HIVEP1: variants seen among roughly 807,000 people sequenced by gnomAD.
HIVEP1 encodes the protein HIVEP zinc finger 1.
Under a neutral mutation model 180.0 loss-of-function variants are expected in HIVEP1, and 36 were observed. The ratio of observed to expected loss-of-function variants is 0.20; its 90% CI spans 0.15 to 0.26. The LOEUF (loss-of-function observed/expected upper bound fraction) is 0.26. HIVEP1 is among the 10% of genes least tolerant of loss of function. The pLI, the probability that HIVEP1 is intolerant of heterozygous loss-of-function variation, is 1.00. For synonymous variants in HIVEP1, 1,239 were observed against 1,239.0 expected, an observed-to-expected ratio of 1.00 and a Z score of 0.00; for missense variants, 3,143 against 3,268.7, an observed-to-expected ratio of 0.96 and a Z score of 0.94.
chr6:12,163,866 G>A lies in HIVEP1; in HGVS notation c.7562G>A (p.Gly2521Glu), dbSNP rs748928898. 14 of 1,614,028 alleles carry A rather than the reference G, an allele frequency of 8.7e-6. No individual in the cohort carries two copies. In the African/African-American group the frequency reaches 1.9e-4, roughly 22 times the overall value. ...HPPGLALNAVGLQVLTANPSS... is the reference protein window; with the variant it reads ...HPPGLALNAVELQVLTANPSS... The stretch of plus-strand genomic sequence containing the variant: ...CCAGGACTGGCTCTGAATGCTGTCG[G>A]ACTGCAGGTTCTGACTGCAAACCCT... Residue 2521 changes from glycine (G) to glutamate (E), a missense_variant, in exon 9 of 9, where the codon GGA becomes GAA. By Grantham distance (98) the Gly-to-Glu change is moderately conservative. Transcript: ENST00000379388.
At chr6:12,022,058 C>T (rs1768259739) in intron 2 of HIVEP1, among the ~76,000 whole-genome samples, 1 of 152,224 alleles carries the variant, frequency 6.6e-6, no homozygotes, top group Non-Finnish European at 1.5e-5. Flanking sequence ...GGAAATGCTT[C>T]TTCCAATATT....
At chr6:12,101,403 CAT>C (rs1393041839) in intron 3 of HIVEP1, among the ~76,000 whole-genome samples, 1 of 147,372 alleles carries the variant, frequency 6.8e-6, no homozygotes, top group Non-Finnish European at 1.5e-5. Flanking sequence ...ATGTATATAA[CAT>C]GTATAAATAC....
chr6:12,163,909 C>T lies in HIVEP1; in HGVS notation c.7605C>T (p.Pro2535=), dbSNP rs1047584796. Reference sequence around the variant, plus strand: ...CAAACCCTTCATCACAAAGCAGCCCCGCCCCTCAGGCACACATTCCAGGTC... The same window carrying T: ...CAAACCCTTCATCACAAAGCAGCCCTGCCCCTCAGGCACACATTCCAGGTC... ...LTANPSSQSS[P]APQAHIPGLQ... is the part of the protein sequence containing the mutation. Residue 2535 remains proline (P), a synonymous_variant, in exon 9 of 9, where the codon CCC becomes CCT. Transcript: ENST00000379388. 4 of 1,614,156 alleles carry T rather than the reference C, an allele frequency of 2.5e-6. No individual in the cohort carries two copies. The highest frequency in any genetic ancestry group is 1.1e-5 in the South Asian group (1 of 91,084).
the HIVEP1 span, among the ~76,000 whole-genome samples, chr6:12,176,557 G>A: frequency 2.6e-5 from 4 of 152,054 alleles, no homozygotes; most frequent in Non-Finnish European, 4.4e-5. Flanking sequence ...TTTAGGAGCC[G>A]TTGGACTTCA....
At chr6:12,176,599 C>T in the HIVEP1 span, among the ~76,000 whole-genome samples, 2 of 152,152 alleles carry the variant, frequency 1.3e-5, no homozygotes, top group Non-Finnish European at 2.9e-5. Context: ...CTAACTCCTC[C>T]AGTTTCCCCA....
chr6:12,136,033 T>C (rs1003006658), intron 7 of HIVEP1, 141 bp downstream of exon 7: 5 of 514,734 alleles, frequency 9.7e-6, no homozygotes, highest in Middle Eastern at 5.3e-4. Context: ...TCCTAATTAG[T>C]TTTTCCATGT....
At chr6:12,066,727 A>G (rs1465487742) in intron 2 of HIVEP1, among the ~76,000 whole-genome samples, 1 of 152,160 alleles carries the variant, frequency 6.6e-6, no homozygotes, top group East Asian at 1.9e-4. Context: ...ATTTGTTCGG[A>G]ACCACTTTAA....
intron 2 of HIVEP1, among the ~76,000 whole-genome samples, chr6:12,050,144 C>T (rs181727891): frequency 8.5e-4 from 130 of 152,256 alleles, no homozygotes; most frequent in African/African-American, 3.0e-3. Flanking sequence ...ACTCCGCCAG[C>T]CCAGTGGAAA....
rs779968806 is a variant in HIVEP1 at position 12,164,233 on chromosome 6, C to T, written c.7929C>T (p.His2643=). The change falls in exon 9 of 9, where the codon CAC becomes CAT. Residue 2643 remains histidine, a synonymous_variant. Transcript: ENST00000379388. ...MDTEKAASAN[H]VKPKPELTSI... is the part of the protein sequence containing the mutation. The stretch of plus-strand genomic sequence containing the variant: ...CAGAGAAGGCTGCCTCGGCAAATCA[C>T]GTGAAGCCCAAGCCTGAACTCACTT... 15 of 1,614,006 alleles carry T rather than the reference C, an allele frequency of 9.3e-6. No homozygotes were observed. The highest frequency in any genetic ancestry group is 1.3e-5 in the African/African-American group (1 of 74,926).
intron 7 of HIVEP1, among the ~76,000 whole-genome samples, chr6:12,137,168 A>G (rs1454409913): frequency 6.6e-6 from 1 of 152,242 alleles, no homozygotes; most frequent in Non-Finnish European, 1.5e-5. Flanking sequence ...GGAAAAGTGG[A>G]AAAGTGTGTA....
the HIVEP1 span, among the ~76,000 whole-genome samples, chr6:12,185,154 G>A: frequency 2.0e-5 from 3 of 152,206 alleles, no homozygotes; most frequent in Admixed American, 1.3e-4. Context: ...AAGGGCTGTT[G>A]TCCATTCAAG....
downstream of HIVEP1, among the ~76,000 whole-genome samples, chr6:12,168,092 C>CATATGTGTAT (rs781151396): frequency 1.8e-4 from 3 of 16,828 alleles, 1 homozygote; most frequent in Non-Finnish European, 3.2e-4. Flanking sequence ...TACATATATA[C>CATATGTGTAT]ACATACACGT....
At chr6:12,133,893 G>T (rs1219255268) in intron 6 of HIVEP1, among the ~76,000 whole-genome samples, 3 of 151,842 alleles carry the variant, frequency 2.0e-5, no homozygotes, top group African/African-American at 7.3e-5. Flanking sequence ...CAAAAGAATG[G>T]CTTGAACCCG....
chr6:12,172,017 CAG>C, the HIVEP1 span, among the ~76,000 whole-genome samples: 1 of 152,120 alleles, frequency 6.6e-6, no homozygotes, highest in Non-Finnish European at 1.5e-5. Context: ...AGAAAGTAGA[CAG>C]AGGCAGCTGA....
downstream of HIVEP1, among the ~76,000 whole-genome samples, chr6:12,167,632 TA>T (rs1760745018): frequency 2.1e-5 from 2 of 96,680 alleles, no homozygotes; most frequent in South Asian, 5.3e-4. Flanking sequence ...ATATACATGT[TA>T]TATATACATA....
intron 4 of HIVEP1, 46 bp from the exon 5 acceptor site, chr6:12,129,713 G>A (rs376457903): frequency 1.4e-6 from 2 of 1,459,776 alleles, no homozygotes; most frequent in Non-Finnish European, 9.6e-7. Context: ...TAGCATGCTT[G>A]TGTTTTCAGT....
rs760688364 is a variant in HIVEP1 at position 12,120,352 on chromosome 6, C to G, written c.557C>G (p.Thr186Ser). The change falls in exon 4 of 9, where the codon ACT (threonine) becomes AGT (serine). Residue 186 changes from threonine to serine, a missense_variant. By Grantham distance (58) the Thr-to-Ser change is moderately conservative. This residue lies in a region of HIVEP1 where 306 missense variants were observed against 310.6 expected (regional missense o/e 0.99). Coordinates refer to ENST00000379388, the MANE Select transcript of HIVEP1 (RefSeq NM_002114.4). ...GAATGCATCTCTTCTCATTGTGGCA[C>G]TACGTCCCCCTCCTATACAAACACT... is the stretch of plus-strand genomic sequence containing the variant. ...NSECISSHCG[T>S]TSPSYTNTAF... The G allele has an allele frequency of 1.9e-6, 3 of 1,614,026 alleles. No homozygotes were observed. The highest frequency in any genetic ancestry group is 1.3e-5 in the African/African-American group (1 of 74,920).
At chr6:12,066,771 C>T (rs1027559179) in intron 2 of HIVEP1, among the ~76,000 whole-genome samples, 9 of 152,144 alleles carry the variant, frequency 5.9e-5, no homozygotes, top group South Asian at 2.1e-4. Context: ...ATTGTCTTCT[C>T]TGAGCTATTT....
At chr6:12,155,901 C>G (rs1337839319) in intron 7 of HIVEP1, among the ~76,000 whole-genome samples, 2 of 152,126 alleles carry the variant, frequency 1.3e-5, no homozygotes, top group Admixed American at 1.3e-4. Context: ...TTCTCTGCAA[C>G]CTCTCCAGCA....
Sources: gnomAD v4.1 joint callset for allele counts (sites outside exome capture counted in the v4.1 genomes callset) on GRCh38, gnomAD v4.1.1 for gene constraint, gnomAD v4.1.1 regional missense constraint, MANE v1.5 for transcripts, NCBI Gene and HGNC (gene_info 2026-07-23, HGNC 2026-07-21) for gene names.